The following RAB27A variants were observed in gnomAD, a reference collection of about 807,000 sequenced individuals.
RAB27A encodes RAB27A, member RAS oncogene family.
In RAB27A, 17 loss-of-function variants were observed where a neutral mutation model predicts 20.8. The observed-to-expected ratio is 0.82, with a 90% CI of 0.56 to 1.23. The LOEUF is 1.23. Among genes scored for constraint, RAB27A ranks in the 50% most tolerant of loss-of-function variants. The probability of loss-of-function intolerance (pLI) is 0.00; values close to 1 mark genes in which losing one functional copy is unlikely to be tolerated. For synonymous variants in RAB27A, 85 were observed against 92.8 expected, an observed-to-expected ratio of 0.92 and a Z score of 0.48; for missense variants, 277 against 266.7, an observed-to-expected ratio of 1.04 and a Z score of -0.27.
chr15:55,248,206 C>T (rs1896761108), intron 2 of RAB27A, among the ~76,000 whole-genome samples: 1 of 152,126 alleles, frequency 6.6e-6, no homozygotes, highest in Admixed American at 6.5e-5. Context: ...CTCTTCACAG[C>T]TGATTTTCAT....
chr15:55,242,290 G>T (rs1237198211), intron 2 of RAB27A, among the ~76,000 whole-genome samples: 3 of 152,114 alleles, frequency 2.0e-5, no homozygotes, highest in Admixed American at 6.5e-5. Context: ...TTCATGTCTG[G>T]ACAAGACTCA....
chr15:55,319,116 G>C (rs1054713535), upstream of RAB27A: 19 of 1,058,398 alleles, frequency 1.8e-5, no homozygotes, highest in South Asian at 3.2e-4. Flanking sequence ...ACGTCGGGTG[G>C]GAGCTACGAA....
At chr15:55,224,112 T>C (rs1034467419) in intron 5 of RAB27A, 100 bp from the exon 6 acceptor site, 2 of 880,596 alleles carry the variant, frequency 2.3e-6, no homozygotes, top group Non-Finnish European at 3.6e-6. Flanking sequence ...ATAATGTATA[T>C]ATAGATATTG....
chr15:55,256,271 A>C (rs1210907538), intron 2 of RAB27A, among the ~76,000 whole-genome samples: 1 of 152,024 alleles, frequency 6.6e-6, no homozygotes, highest in African/African-American at 2.4e-5. Flanking sequence ...TTAATTAGCA[A>C]GGTGAGGTGG....
At chr15:55,265,291 C>T (rs762985285) in intron 2 of RAB27A, among the ~76,000 whole-genome samples, 19 of 151,770 alleles carry the variant, frequency 1.3e-4, no homozygotes, top group Non-Finnish European at 2.8e-4. Flanking sequence ...ATGCACAAGC[C>T]GTTGGGGAGA....
chr15:55,205,759 C>A, intron 6 of RAB27A, 54 bp from the exon 7 acceptor site: 1 of 1,451,114 alleles, frequency 6.9e-7, no homozygotes, highest in Non-Finnish European at 9.7e-7. Flanking sequence ...GGAGAGTGAC[C>A]TTTGCTCTTG....
Position 55,216,626 on chromosome 15 carries a change from TG to T in RAB27A, c.467+7262del, listed in dbSNP as rs200706431. ...TTAAATTCTCAATCTGTGTGTTGTG[TG>T]AAAAAAAAAGAATAAAAAATAAAAA... On this transcript the variant is annotated intron_variant, in intron 6 of 6. Coordinates refer to ENST00000336787, the MANE Select transcript of RAB27A (RefSeq NM_183235.3). 3.1e-4 allele frequency among the ~76,000 whole-genome samples: 47 copies of T among 152,014 alleles called. No homozygotes were observed. In the East Asian group the frequency reaches 8.3e-3, roughly 27 times the overall value.
chr15:55,205,948 G>A (rs943690478), intron 6 of RAB27A, among the ~76,000 whole-genome samples: 1 of 151,976 alleles, frequency 6.6e-6, no homozygotes, highest in East Asian at 1.9e-4. Context: ...GGGCGCAGTG[G>A]CTCACACCTC....
At chr15:55,306,291 T>C (rs559509084) in intron 2 of RAB27A, among the ~76,000 whole-genome samples, 2 of 152,236 alleles carry the variant, frequency 1.3e-5, no homozygotes, top group East Asian at 3.9e-4. Context: ...GGGATTGAAA[T>C]GTATGGCCTT....
At chr15:55,241,852 CT>C (rs1382445472) in intron 2 of RAB27A, among the ~76,000 whole-genome samples, 5 of 151,440 alleles carry the variant, frequency 3.3e-5, no homozygotes, top group Admixed American at 3.3e-4. Context: ...ACATGTACCC[CT>C]GAACTTAAGT....
At position 55,273,215 on chromosome 15, in the gene RAB27A, T is replaced by C. The variant is rs535830602; in HGVS notation, c.-142-2931A>G. On this transcript the variant is annotated intron_variant, in intron 1 of 6. Coordinates refer to ENST00000336787, the MANE Select transcript of RAB27A (RefSeq NM_183235.3). ...TGAGGTCAGAAGTTCAAAACCAGCC[T>C]AGCCAATGTGGTGAAACTCCATCTC... Among the ~76,000 whole-genome samples, 24 of 152,086 alleles carry C rather than the reference T, an allele frequency of 1.6e-4. No homozygotes were observed. In the South Asian group the frequency reaches 4.8e-3, roughly 30 times the overall value.
chr15:55,317,548 C>T, intron 1 of RAB27A: 1 of 366,072 alleles, frequency 2.7e-6, no homozygotes, highest in Non-Finnish European at 4.9e-6. Flanking sequence ...CTCCTGACCA[C>T]CTGATCCACC....
chr15:55,278,041 C>T (rs913141187), intron 1 of RAB27A, among the ~76,000 whole-genome samples: 2 of 152,278 alleles, frequency 1.3e-5, no homozygotes, highest in East Asian at 3.9e-4. Flanking sequence ...AGCTATTATA[C>T]TCACTTGCAT....
chr15:55,275,597 G>A (rs1340277782), intron 1 of RAB27A, among the ~76,000 whole-genome samples: 1 of 151,704 alleles, frequency 6.6e-6, no homozygotes, highest in Non-Finnish European at 1.5e-5. Context: ...TTGAACTCCA[G>A]CCAGGTGACA....
chr15:55,258,546 G>A (rs1235103925), intron 2 of RAB27A, among the ~76,000 whole-genome samples: 1 of 152,182 alleles, frequency 6.6e-6, no homozygotes, highest in Admixed American at 6.5e-5. Flanking sequence ...CTCTAGGGTA[G>A]GCGTCAAAGC....
At chr15:55,308,388 C>G (rs2055006999) in intron 2 of RAB27A, among the ~76,000 whole-genome samples, 1 of 152,142 alleles carries the variant, frequency 6.6e-6, no homozygotes, top group Admixed American at 6.5e-5. Context: ...ATATATTTAC[C>G]CTTTTTCCTT....
Position 55,310,079 on chromosome 15 carries a change from CCT to C in RAB27A, c.-112+3958_-112+3959del, listed in dbSNP as rs754672933. Among the ~76,000 whole-genome samples, 164 of 152,132 alleles carry C rather than the reference CCT, an allele frequency of 1.1e-3. 2 individuals carry two copies. Among genetic ancestry groups the C allele is most frequent in the African/African-American group, 3.4e-3 (140 of 41,498 alleles). ...TCCTATGTTCAGGTGTATAATGGCC[CCT>C]GTTTTTGCTAGAATGTCTCTCCCTA... On this transcript the variant is annotated intron_variant, in intron 2 of 5. Transcript: ENST00000563262.
At chr15:55,250,265 CCTT>C (rs1247713600) in intron 2 of RAB27A, among the ~76,000 whole-genome samples, 6 of 151,924 alleles carry the variant, frequency 3.9e-5, no homozygotes, top group African/African-American at 1.2e-4. Context: ...CGCCTGGACT[CCTT>C]CTATTATGTT....
At chr15:55,255,768 A>G (rs1897056012) in intron 2 of RAB27A, among the ~76,000 whole-genome samples, 1 of 152,186 alleles carries the variant, frequency 6.6e-6, no homozygotes. Flanking sequence ...GAAGTTGGTA[A>G]TTAGGGTGAG....
Sources: allele counts gnomAD v4.1 joint callset (sites outside exome capture counted in the v4.1 genomes callset), GRCh38; gene constraint gnomAD v4.1.1; transcripts MANE v1.5; gene names NCBI Gene and HGNC (gene_info 2026-07-23, HGNC 2026-07-21).